Variants in FAM193A observed in about 807,000 individuals in gnomAD.
FAM193A encodes family with sequence similarity 193 member A.
FAM193A carries 22 observed loss-of-function variants against 126.5 expected under a neutral mutation model. That is an observed-to-expected ratio of 0.17 (90% CI 0.12 to 0.25). The LOEUF (loss-of-function observed/expected upper bound fraction) is 0.25, where lower values mean the gene tolerates loss of function less well. FAM193A is among the 10% of genes least tolerant of loss of function. FAM193A has a pLI of 1.00. For synonymous variants in FAM193A, 761 were observed against 646.8 expected (o/e 1.18, Z -2.68); for missense variants, 1,675 against 1,672.8 (o/e 1.00, Z -0.02).
intron 1 of FAM193A, among the ~76,000 whole-genome samples, chr4:2,569,379 T>A (rs1011115957): frequency 3.9e-5 from 6 of 152,216 alleles, no homozygotes; most frequent in African/African-American, 1.4e-4. Flanking sequence ...AATTGGATTT[T>A]ATTTAGCAGT....
chr4:2,710,766 A>G (rs1010855326), intron 19 of FAM193A, among the ~76,000 whole-genome samples: 4 of 151,986 alleles, frequency 2.6e-5, no homozygotes, highest in Admixed American at 1.3e-4. Context: ...AGGCCTCCCA[A>G]AGTGCTAGGA....
chr4:2,590,350 A>G (rs1183229392), intron 1 of FAM193A, among the ~76,000 whole-genome samples: 1 of 150,934 alleles, frequency 6.6e-6, no homozygotes, highest in African/African-American at 2.4e-5. Context: ...CTGTAGTCCC[A>G]GCTACTTGGG....
chr4:2,717,755 A>G (rs963256498), intron 20 of FAM193A, among the ~76,000 whole-genome samples: 3 of 31,990 alleles, frequency 9.4e-5, no homozygotes, highest in African/African-American at 2.9e-4. Context: ...ACCCTGTCTG[A>G]AAAAAAAAAA....
At chr4:2,613,218 C>A (rs1340013533) in intron 2 of FAM193A, among the ~76,000 whole-genome samples, 1 of 152,056 alleles carries the variant, frequency 6.6e-6, no homozygotes, top group Non-Finnish European at 1.5e-5. Context: ...AGGTGGATTG[C>A]TTGAGGCCAG....
chr4:2,676,295 T>C (rs1714395738), intron 13 of FAM193A, among the ~76,000 whole-genome samples: 1 of 152,188 alleles, frequency 6.6e-6, no homozygotes, highest in South Asian at 2.1e-4. Flanking sequence ...TTATTTTCTG[T>C]TTTGCTTTTT....
At chr4:2,575,251 C>G (rs929014532) in intron 1 of FAM193A, among the ~76,000 whole-genome samples, 1 of 152,116 alleles carries the variant, frequency 6.6e-6, no homozygotes, top group African/African-American at 2.4e-5. Flanking sequence ...TCCCAGGTGG[C>G]CGTGGCAGCA....
chr4:2,567,169 C>G (rs1375745973), intron 1 of FAM193A, among the ~76,000 whole-genome samples: 2 of 150,696 alleles, frequency 1.3e-5, no homozygotes, highest in African/African-American at 4.9e-5. Flanking sequence ...AGGATGGTCT[C>G]GATCTCCTGA....
chr4:2,646,666 A>G lies in FAM193A; in HGVS notation c.1164-19A>G. ...GCCTTTGGGTTCTTTCCTTTGTTAC[A>G]AGGCCTTCTCTCTCCTAGGCTAGGA... On this transcript the variant is annotated intron_variant, in intron 6 of 20. Transcript: ENST00000637812. 1 of 1,580,534 alleles carries G rather than the reference A, an allele frequency of 6.3e-7. No individual in the cohort carries two copies. The highest frequency in any genetic ancestry group is 8.6e-7 in the Non-Finnish European group (1 of 1,164,402).
At chr4:2,602,537 C>T (rs1577062049) in intron 2 of FAM193A, among the ~76,000 whole-genome samples, 1 of 151,738 alleles carries the variant, frequency 6.6e-6, no homozygotes, top group East Asian at 1.9e-4. Context: ...ATTTTTAGTA[C>T]AGATGGGGTT....
rs192572970 is a variant in FAM193A, at chr4:2,676,797, C to T, written c.2331+4425C>T. On this transcript the variant is annotated intron_variant, in intron 13 of 20. Coordinates refer to ENST00000637812, the MANE Select transcript of FAM193A (RefSeq NM_001366318.2). ...CTCTACTAAAAATAAAAAAATTAGC[C>T]GGGTGTGGTGGCGGGCACCTGTAGT... Among the ~76,000 whole-genome samples the T allele has an allele frequency of 3.7e-4, 56 of 152,066 alleles. No individual in the cohort carries two copies. The South Asian group carries it at 5.4e-3, about 15-fold the overall frequency.
intron 5 of FAM193A, among the ~76,000 whole-genome samples, chr4:2,636,424 G>A (rs1284171374): frequency 6.6e-6 from 1 of 152,046 alleles, no homozygotes; most frequent in Non-Finnish European, 1.5e-5. Context: ...GTACACCAAC[G>A]CGGGAGAGTT....
chr4:2,664,578 TTTTTTTG>T, intron 12 of FAM193A, among the ~76,000 whole-genome samples: 1 of 140,232 alleles, frequency 7.1e-6, no homozygotes, highest in African/African-American at 2.6e-5. Flanking sequence ...TTTTTTTTTT[TTTTTTTG>T]AGATGGAGTC....
At chr4:2,549,428 G>T (rs1342884113) in intron 1 of FAM193A, among the ~76,000 whole-genome samples, 1 of 109,070 alleles carries the variant, frequency 9.2e-6, no homozygotes, top group Non-Finnish European at 1.7e-5. Flanking sequence ...ACGGAGTCTC[G>T]CTCTGTCGCC....
At chr4:2,582,521 G>T (rs549439247) in intron 1 of FAM193A, among the ~76,000 whole-genome samples, 1 of 151,654 alleles carries the variant, frequency 6.6e-6, no homozygotes, top group Non-Finnish European at 1.5e-5. Flanking sequence ...CATGACTTTT[G>T]TCCTAATTAG....
intron 1 of FAM193A, among the ~76,000 whole-genome samples, chr4:2,582,681 T>G (rs1740019089): frequency 6.6e-6 from 1 of 152,154 alleles, no homozygotes; most frequent in Non-Finnish European, 1.5e-5. Context: ...CCGTTATTTC[T>G]TCTGCTGTTT....
intron 2 of FAM193A, among the ~76,000 whole-genome samples, chr4:2,611,768 G>A (rs1400686973): frequency 2.6e-5 from 4 of 151,738 alleles, no homozygotes; most frequent in South Asian, 2.1e-4. Context: ...TTCTCTCAGC[G>A]TGTGACTGGC....
chr4:2,715,934 T>G (rs969245358), intron 19 of FAM193A, 89 bp from the exon 20 acceptor site: 3 of 833,064 alleles, frequency 3.6e-6, no homozygotes, highest in South Asian at 2.8e-5. Context: ...TGAAGTTGTT[T>G]AAATTGAGCG....
intron 20 of FAM193A, among the ~76,000 whole-genome samples, chr4:2,724,434 A>G (rs1720505450): frequency 6.6e-6 from 1 of 152,198 alleles, no homozygotes; most frequent in South Asian, 2.1e-4. Flanking sequence ...TATGTATTTT[A>G]TATGTAGAAC....
Position 2,563,009 on chromosome 4 carries a change from A to ATC in FAM193A, c.255+25841_255+25842dup, listed in dbSNP as rs576686210. Among the ~76,000 whole-genome samples, 831 of 151,618 alleles carry ATC rather than the reference A, an allele frequency of 5.5e-3. 9 individuals carry two copies. Among genetic ancestry groups the ATC allele is most frequent in the Non-Finnish European group, 6.1e-3 (416 of 67,952 alleles). On this transcript the variant is annotated intron_variant, in intron 1 of 20. Transcript: ENST00000637812. The stretch of plus-strand genomic sequence containing the variant: ...GCCCAGGCTGGAGTGCAGTGGTGCA[A>ATC]TCTTAGCTCACTGCAACCTCTGCCT...
Sources: gnomAD v4.1 joint callset for allele counts (sites outside exome capture counted in the v4.1 genomes callset) on GRCh38, gnomAD v4.1.1 for gene constraint, MANE v1.5 for transcripts, NCBI Gene and HGNC (gene_info 2026-07-23, HGNC 2026-07-21) for gene names.